NFATC3: variants seen among roughly 807,000 people sequenced by gnomAD.
NFATC3 encodes the protein nuclear factor of activated T cells 3.
Under a neutral mutation model 98.6 loss-of-function variants are expected in NFATC3, and 46 were observed. The ratio of observed to expected loss-of-function variants is 0.47; its 90% confidence interval spans 0.37 to 0.60. The LOEUF (loss-of-function observed/expected upper bound fraction) is 0.60, where lower values mean the gene tolerates loss of function less well. Among genes scored for constraint, NFATC3 ranks in the 20% least tolerant of loss-of-function variants. The pLI is 0.00. For synonymous variants in NFATC3, 512 were observed against 472.2 expected, an observed-to-expected ratio of 1.08 and a Z score of -1.09; for missense variants, 1,256 against 1,295.5, an observed-to-expected ratio of 0.97 and a Z score of 0.47.
intron 3 of NFATC3, among the ~76,000 whole-genome samples, chr16:68,137,838 G>A (rs1274695443): frequency 6.6e-6 from 1 of 151,876 alleles, no homozygotes; most frequent in African/African-American, 2.4e-5. Flanking sequence ...GGATGGTCAC[G>A]ATCTTCTGAC....
chr16:68,219,621 C>T (rs2041780426), intron 9 of NFATC3, among the ~76,000 whole-genome samples: 1 of 151,844 alleles, frequency 6.6e-6, no homozygotes, highest in Non-Finnish European at 1.5e-5. Context: ...AATTGTTTAC[C>T]CAGGGGATGA....
At chr16:68,155,733 C>T (rs55725810) in intron 3 of NFATC3, among the ~76,000 whole-genome samples, 18,072 of 152,132 alleles carry the variant, frequency 0.12, 1,221 homozygotes, top group South Asian at 0.2. Context: ...AAATAGCATG[C>T]CCCTTTCTGT....
intron 9 of NFATC3, among the ~76,000 whole-genome samples, chr16:68,194,577 ACTCTTC>A (rs1454420339): frequency 3.9e-5 from 6 of 152,116 alleles, no homozygotes; most frequent in African/African-American, 1.4e-4. Flanking sequence ...TTTTAGACTA[ACTCTTC>A]ACATTGCTTT....
chr16:68,128,463 T>C (rs2036953010), intron 3 of NFATC3, among the ~76,000 whole-genome samples: 1 of 152,192 alleles, frequency 6.6e-6, no homozygotes, highest in Non-Finnish European at 1.5e-5. Context: ...GTTTTCTATA[T>C]CTTTTAGTTT....
In NFATC3 at chr16:68,122,978, A is replaced by G; in HGVS notation, c.1095A>G (p.Leu365=). Residue 365 remains leucine (L), a synonymous_variant, in exon 2 of 10, where the codon TTA becomes TTG. Coordinates refer to ENST00000346183, the MANE Select transcript of NFATC3 (RefSeq NM_173165.3). The part of the protein sequence containing the change: ...LELCSDDQGS[L]SPARETSIDD... ...TGTGTTCAGATGACCAAGGGAGTTTATCACCAGCCCGGGAGACTTCAATAG... is the reference window on the plus strand; with the variant it reads ...TGTGTTCAGATGACCAAGGGAGTTTGTCACCAGCCCGGGAGACTTCAATAG... 6.2e-7 allele frequency: 1 copy of G among 1,614,170 alleles called. No homozygotes were observed. Among genetic ancestry groups the G allele is most frequent in the Non-Finnish European group, 8.5e-7 (1 of 1,180,036 alleles).
chr16:68,154,304 G>T (rs747621348), intron 3 of NFATC3, among the ~76,000 whole-genome samples: 2 of 152,116 alleles, frequency 1.3e-5, no homozygotes, highest in Admixed American at 1.3e-4. Flanking sequence ...ATCATTCTGT[G>T]TATAGTTAGT....
rs543459321 is a variant in NFATC3 at position 68,163,109 on chromosome 16, C to A, written c.1602-3734C>A. 1.9e-4 allele frequency among the ~76,000 whole-genome samples: 29 copies of A among 152,288 alleles called. No homozygotes were observed. In the South Asian group the frequency reaches 6.0e-3, roughly 32 times the overall value. On this transcript the variant is annotated intron_variant, in intron 4 of 9. Transcript: ENST00000346183. ...AATGAGAATTTTTCTTAGTACAGAA[C>A]AAAATGAAAAGTCTCCCATGTCTAC...
chr16:68,115,011 T>G (rs1454343840), intron 1 of NFATC3, among the ~76,000 whole-genome samples: 1 of 152,228 alleles, frequency 6.6e-6, no homozygotes, highest in Admixed American at 6.5e-5. Context: ...TGAACATATT[T>G]CCGTGGTTTC....
At chr16:68,221,219 G>T in intron 9 of NFATC3, 1 of 1,613,954 alleles carries the variant, frequency 6.2e-7, no homozygotes, top group African/African-American at 1.3e-5. Context: ...TAATAATTTT[G>T]ACTTGCTTCA....
chr16:68,109,457 G>T (rs2035831448), intron 1 of NFATC3, among the ~76,000 whole-genome samples: 1 of 152,150 alleles, frequency 6.6e-6, no homozygotes, highest in South Asian at 2.1e-4. Flanking sequence ...TTTTTGATGT[G>T]CTGCTGGATT....
intron 4 of NFATC3, among the ~76,000 whole-genome samples, chr16:68,158,936 A>G (rs1301678798): frequency 6.6e-6 from 1 of 152,236 alleles, no homozygotes; most frequent in African/African-American, 2.4e-5. Flanking sequence ...TTGTCACCTC[A>G]AATAATTTAG....
At chr16:68,089,355 T>C (rs1180690964) in intron 1 of NFATC3, 3 of 890,316 alleles carry the variant, frequency 3.4e-6, no homozygotes, top group Non-Finnish European at 4.0e-6. Context: ...CGACTGACTT[T>C]TTAAGACTAC....
At chr16:68,192,332 T>TATGTATGTGTATATATATATAG (rs1249886948) in intron 9 of NFATC3, 3 of 134,478 alleles carry the variant, frequency 2.2e-5, no homozygotes, top group Non-Finnish European at 4.8e-5. Context: ...TATATATATA[T>TATGTATGTGTATATATATATAG]AGAGAGAGAG....
At chr16:68,118,065 G>A (rs960537356) in intron 1 of NFATC3, among the ~76,000 whole-genome samples, 2 of 152,102 alleles carry the variant, frequency 1.3e-5, no homozygotes, top group African/African-American at 4.8e-5. Context: ...CATCTTGGGC[G>A]TTTCTTAAAG....
rs758979065 is a variant in NFATC3, at chr16:68,122,067, T to G, written c.184T>G (p.Leu62Val). 6.2e-7 allele frequency: 1 copy of G among 1,614,080 alleles called. No individual in the cohort carries two copies. The highest frequency in any genetic ancestry group is 8.5e-7 in the Non-Finnish European group (1 of 1,180,024). ...ATCTACTTTAACCACACCACTTTGC[T>G]TACCACATCATGGATTACCGTCTCA... ...PPSTLTTPLC[L>V]PHHGLPSHSS... Residue 62 changes from leucine to valine, a missense_variant, in exon 2 of 10, where the codon TTA becomes GTA. Around this residue, in one of 3 missense-constraint regions of NFATC3, gnomAD observed 464 missense variants for 465.7 expected, o/e 1.00. Transcript: ENST00000346183.
intron 9 of NFATC3, chr16:68,221,655 G>C: frequency 1.1e-6 from 1 of 933,868 alleles, no homozygotes; most frequent in Non-Finnish European, 1.3e-6. Flanking sequence ...GAATCCTGTA[G>C]TATAATGTAT....
intron 1 of NFATC3, among the ~76,000 whole-genome samples, chr16:68,100,104 T>C (rs915665783): frequency 2.0e-5 from 3 of 152,254 alleles, no homozygotes; most frequent in Non-Finnish European, 2.9e-5. Context: ...TACTACAGTT[T>C]AATTGTTTAC....
chr16:68,220,530 T>C (rs569549947), intron 9 of NFATC3, among the ~76,000 whole-genome samples: 36 of 151,282 alleles, frequency 2.4e-4, no homozygotes, highest in Non-Finnish European at 4.4e-4. Context: ...TATACTCTTA[T>C]CTTAAATTGG....
chr16:68,163,767 C>A (rs1194369070), intron 4 of NFATC3, among the ~76,000 whole-genome samples: 1 of 89,364 alleles, frequency 1.1e-5, no homozygotes, highest in East Asian at 3.3e-4. Context: ...CCAGACGGGG[C>A]GGTGGGGCAG....
Sources: allele counts gnomAD v4.1 joint callset (sites outside exome capture counted in the v4.1 genomes callset), GRCh38; gene constraint gnomAD v4.1.1; regional missense constraint gnomAD v4.1.1; transcripts MANE v1.5; gene names NCBI Gene and HGNC (gene_info 2026-07-23, HGNC 2026-07-21).